The following CIROZ variants were observed in gnomAD, a reference collection of about 807,000 sequenced individuals.
CIROZ encodes ciliated left-right organizer protein containing ZP-N domains.
the CIROZ span, among the ~76,000 whole-genome samples, chr1:10,956,271 C>T: frequency 3.3e-5 from 5 of 152,124 alleles, no homozygotes; most frequent in African/African-American, 7.2e-5. Context: ...CCCAGGGCAA[C>T]GGTGTCACTC....
the CIROZ span, among the ~76,000 whole-genome samples, chr1:10,964,907 A>G: frequency 6.6e-6 from 1 of 152,344 alleles, no homozygotes; most frequent in African/African-American, 2.4e-5. Flanking sequence ...CTGGGATTAC[A>G]GGCGTGAGCC....
the CIROZ span, among the ~76,000 whole-genome samples, chr1:10,975,519 G>C: frequency 6.6e-6 from 1 of 151,408 alleles, no homozygotes; most frequent in Non-Finnish European, 1.5e-5. Context: ...AACCTGGGAG[G>C]TGGAGATTGC....
the CIROZ span, among the ~76,000 whole-genome samples, chr1:10,950,384 T>G: frequency 1.3e-5 from 2 of 152,198 alleles, no homozygotes; most frequent in Admixed American, 6.5e-5. Flanking sequence ...AAGGGGCACC[T>G]GGCCCTGACT....
At chr1:10,972,913 G>GCC in the CIROZ span, among the ~76,000 whole-genome samples, 3 of 150,554 alleles carry the variant, frequency 2.0e-5, no homozygotes, top group South Asian at 2.1e-4. Flanking sequence ...ATAGCGAGAT[G>GCC]CCCCCCCCAT....
the CIROZ span, chr1:10,970,134 GAGGA>G: frequency 6.3e-4 from 882 of 1,410,138 alleles, 1 homozygote; most frequent in South Asian, 1.2e-3. Context: ...GGAAGGGAGG[GAGGA>G]AGGAAGGAAG....
chr1:10,972,998 C>T, the CIROZ span, among the ~76,000 whole-genome samples: 9 of 151,998 alleles, frequency 5.9e-5, no homozygotes, highest in East Asian at 9.6e-4. Context: ...TGGGCCTTGC[C>T]GTATAGCCTT....
the CIROZ span, among the ~76,000 whole-genome samples, chr1:10,953,260 G>A: frequency 1.8e-4 from 27 of 152,152 alleles, no homozygotes; most frequent in Non-Finnish European, 2.8e-4. Context: ...TCTCCTTCGC[G>A]TCTGTCTTCG....
the CIROZ span, among the ~76,000 whole-genome samples, chr1:10,960,342 T>C: frequency 6.6e-6 from 1 of 152,076 alleles, no homozygotes; most frequent in African/African-American, 2.4e-5. This position sits in a 1 kb window ranked among gnomAD's most constrained non-coding sequence, Gnocchi z 4.6. Flanking sequence ...AGGCGGAAGT[T>C]GCAGTGAACT....
chr1:10,960,560 CTG>C, the CIROZ span, among the ~76,000 whole-genome samples: 1 of 152,254 alleles, frequency 6.6e-6, no homozygotes. The surrounding 1 kb of genome is among the most constrained non-coding windows in gnomAD (Gnocchi z 4.6). Flanking sequence ...TCGCTAATCA[CTG>C]CATTGAGTTT....
the CIROZ span, chr1:10,966,579 G>A: frequency 2.0e-5 from 26 of 1,308,706 alleles, no homozygotes; most frequent in African/African-American, 3.0e-5. Flanking sequence ...AAACTGCTCC[G>A]CCTGGAAGCT....
At chr1:10,965,807 AG>A in the CIROZ span, among the ~76,000 whole-genome samples, 1 of 150,796 alleles carries the variant, frequency 6.6e-6, no homozygotes, top group African/African-American at 2.4e-5. Flanking sequence ...TGGGTGCCAG[AG>A]CGAGCCTCCG....
chr1:10,968,893 T>C, the CIROZ span, among the ~76,000 whole-genome samples: 1 of 152,214 alleles, frequency 6.6e-6, no homozygotes, highest in South Asian at 2.1e-4. Flanking sequence ...GCCATAAAAA[T>C]TACTTATTGA....
the CIROZ span, among the ~76,000 whole-genome samples, chr1:10,974,955 C>A: frequency 2.6e-5 from 4 of 151,878 alleles, no homozygotes; most frequent in South Asian, 4.1e-4. This position sits in a 1 kb window ranked among gnomAD's most constrained non-coding sequence, Gnocchi z 4.4. Context: ...ACAAAAATAG[C>A]CCCCCCTTCA....
the CIROZ span, among the ~76,000 whole-genome samples, chr1:10,980,743 A>T: frequency 1.3e-5 from 2 of 152,116 alleles, no homozygotes; most frequent in African/African-American, 2.4e-5. Flanking sequence ...TTGAGCATCA[A>T]TCGGGAGAAA....
chr1:10,947,919 C>G, the CIROZ span: 1 of 1,613,812 alleles, frequency 6.2e-7, no homozygotes, highest in Non-Finnish European at 8.5e-7. Context: ...CACAGGCCAG[C>G]CAGGGGCTGA....
chr1:10,948,705 G>A, the CIROZ span: 2,429 of 1,584,414 alleles, frequency 1.5e-3, 3 homozygotes, highest in Middle Eastern at 2.0e-3. Context: ...GGCTGGAGGT[G>A]TGGGGTGTCC....
chr1:10,955,207 G>T, the CIROZ span: 1 of 1,580,734 alleles, frequency 6.3e-7, no homozygotes. Flanking sequence ...AAGGACACAG[G>T]ACACAGAAAA....
chr1:10,956,021 T>C, the CIROZ span, among the ~76,000 whole-genome samples: 15 of 152,194 alleles, frequency 9.9e-5, no homozygotes, highest in African/African-American at 2.9e-4. Flanking sequence ...AAAGAGATGG[T>C]TGGAGGCTCA....
chr1:10,964,029 C>T, the CIROZ span: 2 of 1,457,138 alleles, frequency 1.4e-6, no homozygotes, highest in Non-Finnish European at 1.9e-6. Context: ...TGGGCCACGT[C>T]CTGTGGTGCA....
Sources: allele counts gnomAD v4.1 joint callset (sites outside exome capture counted in the v4.1 genomes callset), GRCh38; gene constraint gnomAD v4.1.1; non-coding constraint Gnocchi (gnomAD v3.1); transcripts MANE v1.5; gene names NCBI Gene and HGNC (gene_info 2026-07-23, HGNC 2026-07-21).